NSMCE2: variants seen among roughly 807,000 people sequenced by gnomAD.
NSMCE2 encodes the protein E3 SUMO-protein ligase NSE2.
Under a neutral mutation model 23.8 loss-of-function variants are expected in NSMCE2, and 24 were observed. The ratio of observed to expected loss-of-function variants is 1.01; its 90% CI spans 0.73 to 1.42. The LOEUF (loss-of-function observed/expected upper bound fraction) is 1.42. Ranked by LOEUF, NSMCE2 falls within the 40% of genes most tolerant of loss-of-function variation. NSMCE2 has a pLI of 0.00. For synonymous variants in NSMCE2, 92 were observed against 94.1 expected (o/e 0.98, Z 0.13); for missense variants, 284 against 296.5 (o/e 0.96, Z 0.31).
At chr8:125,314,261 C>T (rs1350951709) in intron 5 of NSMCE2, among the ~76,000 whole-genome samples, 2 of 98,460 alleles carry the variant, frequency 2.0e-5, no homozygotes. Context: ...TTCAAGGAGC[C>T]TTGTGTTTTG....
intron 5 of NSMCE2, among the ~76,000 whole-genome samples, chr8:125,243,237 A>G (rs1283105283): frequency 6.6e-6 from 1 of 152,256 alleles, no homozygotes; most frequent in African/African-American, 2.4e-5. Context: ...AGCATGTCAG[A>G]TGAGTATTTA....
At chr8:125,191,097 C>G (rs1412541715) in intron 5 of NSMCE2, among the ~76,000 whole-genome samples, 3 of 152,160 alleles carry the variant, frequency 2.0e-5, no homozygotes, top group African/African-American at 4.8e-5. Context: ...GTCTTGAACT[C>G]CTGACCTCAG....
chr8:125,349,253 T>TAG (rs1812926968), intron 5 of NSMCE2, among the ~76,000 whole-genome samples: 1 of 152,172 alleles, frequency 6.6e-6, no homozygotes, highest in Non-Finnish European at 1.5e-5. Context: ...ATTTCAAACT[T>TAG]GGAATCAATG....
chr8:125,351,057 A>T (rs1319809785), intron 5 of NSMCE2, among the ~76,000 whole-genome samples: 1 of 152,186 alleles, frequency 6.6e-6, no homozygotes, highest in Non-Finnish European at 1.5e-5. Context: ...AGTGGATTGG[A>T]TGTGAGGAAT....
At chr8:125,333,711 C>T (rs1443197822) in intron 5 of NSMCE2, among the ~76,000 whole-genome samples, 1 of 151,584 alleles carries the variant, frequency 6.6e-6, no homozygotes, top group East Asian at 1.9e-4. Flanking sequence ...GACGGGGTTT[C>T]ACCATTTTAG....
chr8:125,289,598 G>T (rs1460159519), intron 5 of NSMCE2, among the ~76,000 whole-genome samples: 1 of 152,154 alleles, frequency 6.6e-6, no homozygotes, highest in Non-Finnish European at 1.5e-5. Flanking sequence ...ACCAAGTCGT[G>T]CTCCTTTTAC....
chr8:125,151,752 A>G (rs1054369321), intron 4 of NSMCE2, among the ~76,000 whole-genome samples: 1 of 152,228 alleles, frequency 6.6e-6, no homozygotes, highest in Admixed American at 6.5e-5. Context: ...GTTTTTCCAG[A>G]AGCCAAACTT....
intron 5 of NSMCE2, among the ~76,000 whole-genome samples, chr8:125,218,879 A>T (rs1824722278): frequency 6.6e-6 from 1 of 152,228 alleles, no homozygotes; most frequent in African/African-American, 2.4e-5. Context: ...TAAACACAAT[A>T]AAACAATCAG....
chr8:125,096,706 A>G (rs1024538597), intron 1 of NSMCE2, among the ~76,000 whole-genome samples: 1 of 131,632 alleles, frequency 7.6e-6, no homozygotes, highest in Admixed American at 9.1e-5. Flanking sequence ...TGCCTCCAGG[A>G]TTCAAGCGAT....
intron 4 of NSMCE2, among the ~76,000 whole-genome samples, chr8:125,161,555 T>A (rs1821628566): frequency 6.6e-6 from 1 of 152,092 alleles, no homozygotes; most frequent in Admixed American, 6.5e-5. Flanking sequence ...TCCAGCACTT[T>A]GGGAGGCTGA....
At position 125,288,433 on chromosome 8, in the gene NSMCE2, CA is replaced by C. The variant is rs1033889921; in HGVS notation, c.419-68784del. ...ACTAACCCCCTTCCTTCATTCCCAGCAATCACATTTCAATTATTTTGCCTCT... is the reference window on the plus strand; with the variant it reads ...ACTAACCCCCTTCCTTCATTCCCAGCATCACATTTCAATTATTTTGCCTCT... On this transcript the variant is annotated intron_variant, in intron 5 of 7. Transcript: ENST00000287437. Among the ~76,000 whole-genome samples the C allele has an allele frequency of 4.5e-4, 68 of 152,334 alleles. 1 individual carries two copies. Among genetic ancestry groups the C allele is most frequent in the Admixed American group, 4.1e-3 (63 of 15,310 alleles).
chr8:125,139,880 A>G (rs1820271275), intron 3 of NSMCE2, among the ~76,000 whole-genome samples: 1 of 152,250 alleles, frequency 6.6e-6, no homozygotes, highest in East Asian at 1.9e-4. Context: ...CTTACTGAAA[A>G]GTAGAGCACA....
chr8:125,218,951 A>G (rs535285314), intron 5 of NSMCE2, among the ~76,000 whole-genome samples: 1 of 152,274 alleles, frequency 6.6e-6, no homozygotes, highest in Non-Finnish European at 1.5e-5. Flanking sequence ...TAAGGACTCC[A>G]TTTGGTCTCT....
intron 5 of NSMCE2, among the ~76,000 whole-genome samples, chr8:125,204,624 T>A (rs575100973): frequency 1.1e-3 from 167 of 152,328 alleles, no homozygotes; most frequent in Middle Eastern, 3.4e-3. Context: ...TTTATGTACA[T>A]TTTCCTCCTG....
chr8:125,333,452 G>T (rs1445161670), intron 5 of NSMCE2, among the ~76,000 whole-genome samples: 1 of 147,752 alleles, frequency 6.8e-6, no homozygotes, highest in East Asian at 2.0e-4. Context: ...GATTACAGGT[G>T]CAAGCCACCA....
chr8:125,240,692 C>G (rs999521612), intron 5 of NSMCE2, among the ~76,000 whole-genome samples: 1 of 151,842 alleles, frequency 6.6e-6, no homozygotes, highest in Non-Finnish European at 1.5e-5. Context: ...GCATGTGTGT[C>G]TGTGTCTTGT....
chr8:125,173,116 C>A (rs1243532731), intron 4 of NSMCE2, among the ~76,000 whole-genome samples: 1 of 152,222 alleles, frequency 6.6e-6, no homozygotes, highest in South Asian at 2.1e-4. Context: ...TTCATTAACA[C>A]AACCAATTCT....
At chr8:125,182,529 A>G (rs926403484) in intron 5 of NSMCE2, 8 of 461,762 alleles carry the variant, frequency 1.7e-5, no homozygotes, top group African/African-American at 1.6e-4. Flanking sequence ...GGGGAGGGAA[A>G]TTGGGAAAAC....
At chr8:125,185,059 A>G (rs539234063) in intron 5 of NSMCE2, among the ~76,000 whole-genome samples, 2 of 152,296 alleles carry the variant, frequency 1.3e-5, no homozygotes, top group Admixed American at 6.5e-5. Flanking sequence ...ACTTTATTAT[A>G]TAAGAACATA....
Sources: allele counts gnomAD v4.1 joint callset (sites outside exome capture counted in the v4.1 genomes callset), GRCh38; gene constraint gnomAD v4.1.1; transcripts MANE v1.5; gene names NCBI Gene and HGNC (gene_info 2026-07-23, HGNC 2026-07-21).